The following CPAMD8 variants were observed in gnomAD, a reference collection of about 807,000 sequenced individuals.
CPAMD8 encodes C3 and PZP-like alpha-2-macroglobulin domain-containing protein 8.
A neutral mutation model predicts 224.7 loss-of-function variants in CPAMD8; 146 were observed. That is an observed-to-expected ratio of 0.65 (90% CI 0.57 to 0.75). CPAMD8 has a LOEUF of 0.75. CPAMD8 is among the 30% of genes least tolerant of loss of function. The pLI is 0.00. For missense variants in CPAMD8, 2,301 were observed against 2,537.5 expected (o/e 0.91, Z 2.00); for synonymous variants, 966 against 1,044.6 (o/e 0.92, Z 1.45).
Position 16,898,133 on chromosome 19 carries a change from C to A in CPAMD8, c.4849-139G>T. The A allele has an allele frequency of 6.7e-6, 4 of 593,490 alleles. No individual in the cohort carries two copies. The highest frequency in any genetic ancestry group is 1.2e-5 in the Non-Finnish European group (4 of 344,750). The allele number at this position is 593,490 out of a possible 1,614,324, so 36.8% of individuals were successfully genotyped here. A position where few individuals can be genotyped will look rare whatever the true frequency, so the allele number is the denominator to read the frequency against. On this transcript the variant is annotated intron_variant, in intron 37 of 41. Transcript: ENST00000443236. This position sits in a 1 kb window ranked among gnomAD's most constrained non-coding sequence, Gnocchi z 4.2. ...AAACGTGATCCCATTTTCTTTTTTT[C>A]TTTTACTTTTCTTTTTTTTTTTTTT...
At chr19:16,989,529 C>T (rs1006272001) in intron 13 of CPAMD8, 114 bp downstream of exon 13, 44 of 1,310,728 alleles carry the variant, frequency 3.4e-5, no homozygotes, top group Admixed American at 4.6e-5. Context: ...TCCAGTGATC[C>T]GCCTGCCTCG....
Position 16,967,894 on chromosome 19 carries a change from T to TGTATATATGTGCATATATATACACACAC in CPAMD8, c.2213+2996_2213+2997insGTGTGTGTATATATATGCACATATATAC, listed in dbSNP as rs1568540084. 2.9e-4 allele frequency among the ~76,000 whole-genome samples: 5 copies of TGTATATATGTGCATATATATACACACAC among 17,270 alleles called. 1 individual carries two copies. The highest frequency in any genetic ancestry group is 3.7e-4 in the African/African-American group (5 of 13,460). 11.3% of individuals were successfully genotyped at this position (17,270 alleles called of 152,430 possible). A position where few individuals can be genotyped will look rare whatever the true frequency, so the allele number is the denominator to read the frequency against. On this transcript the variant is annotated intron_variant, in intron 18 of 41. Coordinates refer to ENST00000443236, the MANE Select transcript of CPAMD8 (RefSeq NM_015692.5). ...ATATGTGCATATATACACACACATG[T>TGTATATATGTGCATATATATACACACAC]GTGTGTATATATGTGCATATATACA...
intron 23 of CPAMD8, 115 bp from the exon 24 acceptor site, chr19:16,929,355 C>G (rs563650264): frequency 2.6e-6 from 2 of 775,352 alleles, no homozygotes; most frequent in Non-Finnish European, 4.2e-6. Flanking sequence ...CACTGTGACT[C>G]GGCACACATG....
At chr19:16,913,357 C>T (rs898308063) in intron 29 of CPAMD8, among the ~76,000 whole-genome samples, 2 of 151,992 alleles carry the variant, frequency 1.3e-5, no homozygotes, top group Admixed American at 1.3e-4. Context: ...ACTGAGGTCA[C>T]GAGGATGGGG....
chr19:16,916,600 G>A (rs1029723714), intron 27 of CPAMD8, among the ~76,000 whole-genome samples: 6 of 151,798 alleles, frequency 4.0e-5, no homozygotes, highest in South Asian at 4.2e-4. Flanking sequence ...TTAGCCAGGC[G>A]TGGTGGCGGG....
In CPAMD8 at chr19:16,899,587, C is replaced by T. The variant is rs1377238720; in HGVS notation, c.4774-38G>A. 2 of 978,458 alleles carry T rather than the reference C, an allele frequency of 2.0e-6. No individual in the cohort carries two copies. The highest frequency in any genetic ancestry group is 1.7e-6 in the Non-Finnish European group (1 of 600,420). The allele number at this position is 978,458 out of a possible 1,614,324, so 60.6% of individuals were successfully genotyped here. A position where few individuals can be genotyped will look rare whatever the true frequency, so the allele number is the denominator to read the frequency against. On this transcript the variant is annotated intron_variant, in intron 36 of 41. Transcript: ENST00000443236. This position sits in a 1 kb window ranked among gnomAD's most constrained non-coding sequence, Gnocchi z 5.4. Reference sequence around the variant, plus strand: ...CCAGAAGTCAGGGTCCTCAGACTCTCTACTTGCTTCCTCTCCCATCCCCTG... The same window carrying T: ...CCAGAAGTCAGGGTCCTCAGACTCTTTACTTGCTTCCTCTCCCATCCCCTG...
chr19:17,022,456 C>T (rs115722390), intron 1 of CPAMD8, among the ~76,000 whole-genome samples: 2,541 of 152,128 alleles, frequency 0.017, 31 homozygotes, highest in African/African-American at 0.029. Context: ...TTCCGGCCTC[C>T]AGCCTGTTGA....
At chr19:16,894,880 G>A (rs939500321) in intron 41 of CPAMD8, 1 of 214,248 alleles carries the variant, frequency 4.7e-6, no homozygotes, top group African/African-American at 2.3e-5. Flanking sequence ...GAACAGCCAT[G>A]GCACTCCAGC....
In CPAMD8 at chr19:16,997,155, C is replaced by A; in HGVS notation, c.1051G>T (p.Asp351Tyr). ...CCCGGCTTGAACTGCTTCCTCGTGT[C>A]CTTGGAGTACCGGATGTCCACCAGC... Reference protein sequence around the residue: ...RQLVDIRYSKDTRKQFKPGLA... With the variant: ...RQLVDIRYSKYTRKQFKPGLA... Residue 351 changes from aspartate (D) to tyrosine (Y), a missense_variant, in exon 11 of 42, where the codon GAC becomes TAC. By Grantham distance (160) the Asp-to-Tyr change is radical. Transcript: ENST00000443236. 1.9e-6 allele frequency: 3 copies of A among 1,608,886 alleles called. No homozygotes were observed. Among genetic ancestry groups the A allele is most frequent in the Non-Finnish European group, 2.6e-6 (3 of 1,175,446 alleles).
At position 16,926,474 on chromosome 19, in the gene CPAMD8, C is replaced by T. The variant is rs190353683; in HGVS notation, c.3371-1102G>A. On this transcript the variant is annotated intron_variant, in intron 25 of 41. Coordinates refer to ENST00000443236, the MANE Select transcript of CPAMD8 (RefSeq NM_015692.5). Reference sequence around the variant, plus strand: ...CTGGGATTACAGGCTTGTGCCACCACGCCCAGCTAATTTTTGTATTTTTAG... The same window carrying T: ...CTGGGATTACAGGCTTGTGCCACCATGCCCAGCTAATTTTTGTATTTTTAG... Among the ~76,000 whole-genome samples the T allele has an allele frequency of 3.7e-3, 559 of 152,230 alleles. 3 individuals are homozygous for T. The highest frequency in any genetic ancestry group is 0.012 in the African/African-American group (498 of 41,552).
intron 41 of CPAMD8, chr19:16,895,235 C>G (rs938768368): frequency 6.6e-6 from 1 of 152,496 alleles, no homozygotes; most frequent in Non-Finnish European, 1.5e-5. Context: ...CATGGTGAAA[C>G]CCCACCTCTA....
intron 23 of CPAMD8, among the ~76,000 whole-genome samples, chr19:16,931,561 A>T (rs2053546778): frequency 6.6e-6 from 1 of 151,990 alleles, no homozygotes; most frequent in African/African-American, 2.4e-5. Context: ...GGGCTCAAGA[A>T]CCTATCCATG....
chr19:17,019,165 C>T (rs1309503103), intron 3 of CPAMD8, among the ~76,000 whole-genome samples: 1 of 152,042 alleles, frequency 6.6e-6, no homozygotes, highest in Non-Finnish European at 1.5e-5. Context: ...ACTCTGTTGC[C>T]CAGGCTGGAG....
intron 11 of CPAMD8, 147 bp downstream of exon 11, chr19:16,996,964 C>T (rs1330916418): frequency 1.6e-6 from 1 of 641,116 alleles, no homozygotes; most frequent in African/African-American, 1.8e-5. Context: ...CTGCCCCTCA[C>T]CTGGAACACC....
At chr19:16,921,765 C>T (rs2053183043) in intron 27 of CPAMD8, 140 bp downstream of exon 27, 1 of 619,290 alleles carries the variant, frequency 1.6e-6, no homozygotes, top group South Asian at 1.9e-5. Flanking sequence ...GCTGGGACCA[C>T]CACAGTCTTT....
chr19:16,997,120 G>A lies in CPAMD8; in HGVS notation c.1086C>T (p.Tyr362=), dbSNP rs548098974. ...GTCACCCCCAAGTTACCTTCCCCAC[G>A]TAGGCCAGGCCCGGCTTGAACTGCT... ...TRKQFKPGLA[Y]VGKVELSYPD... Residue 362 remains tyrosine, a synonymous_variant, in exon 11 of 42, where the codon TAC becomes TAT. Transcript: ENST00000443236. 41 of 1,605,048 alleles carry A rather than the reference G, an allele frequency of 2.6e-5. No homozygotes were observed. The South Asian group carries it at 3.1e-4, about 12-fold the overall frequency.
rs1210602057 is a variant in CPAMD8 at position 16,987,191 on chromosome 19, T to A, written c.1395+2452A>T. 2.0e-3 allele frequency among the ~76,000 whole-genome samples: 224 copies of A among 112,952 alleles called. 2 individuals carry two copies. Among genetic ancestry groups the A allele is most frequent in the African/African-American group, 5.5e-3 (157 of 28,744 alleles). 74.1% of individuals were successfully genotyped at this position (112,952 alleles called of 152,430 possible). A position where few individuals can be genotyped will look rare whatever the true frequency, so the allele number is the denominator to read the frequency against. ...AAAAAAAAAAAAAAATATATATATA[T>A]ATATATATATATATATATGTATATG... is the stretch of plus-strand genomic sequence containing the variant. On this transcript the variant is annotated intron_variant, in intron 13 of 41. Transcript: ENST00000443236.
At chr19:16,934,763 C>T (rs563510245) in intron 23 of CPAMD8, among the ~76,000 whole-genome samples, 3 of 152,276 alleles carry the variant, frequency 2.0e-5, no homozygotes, top group Middle Eastern at 3.4e-3. Context: ...CTGCAATACA[C>T]ATGTATTGCT....
intron 3 of CPAMD8, among the ~76,000 whole-genome samples, chr19:17,012,342 CTTTCTTTCTT>C (rs1272379735): frequency 1.9e-4 from 23 of 119,948 alleles, no homozygotes; most frequent in Middle Eastern, 4.6e-3. Context: ...TTCTTTCTTT[CTTTCTTTCTT>C]TTTTTTTTTT....
Sources: allele counts gnomAD v4.1 joint callset (sites outside exome capture counted in the v4.1 genomes callset), GRCh38; gene constraint gnomAD v4.1.1; non-coding constraint Gnocchi (gnomAD v3.1); transcripts MANE v1.5; gene names NCBI Gene and HGNC (gene_info 2026-07-23, HGNC 2026-07-21).